The following RBFOX1 variants were observed in gnomAD, a reference collection of about 807,000 sequenced individuals.
RBFOX1 encodes RNA binding fox-1 homolog 1.
In RBFOX1, 8 loss-of-function variants were observed where a neutral mutation model predicts 57.7. That is an observed-to-expected ratio of 0.14 (90% CI 0.08 to 0.25). The LOEUF (loss-of-function observed/expected upper bound fraction) is 0.25. RBFOX1 is among the 10% of genes least tolerant of loss of function. RBFOX1 has a pLI of 1.00. For missense variants in RBFOX1, 611 were observed against 548.5 expected, an observed-to-expected ratio of 1.11 and a Z score of -1.14; for synonymous variants, 326 against 222.4, an observed-to-expected ratio of 1.47 and a Z score of -4.15.
At chr16:6,203,600 C>T (rs2097231495) in intron 1 of RBFOX1, among the ~76,000 whole-genome samples, 1 of 152,026 alleles carries the variant, frequency 6.6e-6, no homozygotes, top group South Asian at 2.1e-4. Context: ...AGATACATAC[C>T]ATCATGGGAA....
intron 4 of RBFOX1, among the ~76,000 whole-genome samples, chr16:7,218,667 T>TGTGTGTGTGTGTGCGC (rs1555586815): frequency 5.0e-4 from 74 of 148,196 alleles, no homozygotes; most frequent in African/African-American, 1.7e-3. Context: ...TGTGTGTGTG[T>TGTGTGTGTGTGTGCGC]GTGTGTGTGT....
chr16:7,554,176 A>G lies in RBFOX1; in HGVS notation c.271-25601A>G, dbSNP rs371753790. The stretch of plus-strand genomic sequence containing the variant: ...AAAGCTTAGTTGGGCTGATGGGAAA[A>G]CTAACAGTTTCAATTTAATGTGTGT... On this transcript the variant is annotated intron_variant, in intron 5 of 15. Transcript: ENST00000550418. 9.5e-4 allele frequency among the ~76,000 whole-genome samples: 144 copies of G among 152,344 alleles called. 1 individual carries two copies. The highest frequency in any genetic ancestry group is 3.3e-3 in the African/African-American group (139 of 41,580).
chr16:5,625,491 C>G (rs2048322425), intron 3 of RBFOX1, among the ~76,000 whole-genome samples: 1 of 152,022 alleles, frequency 6.6e-6, no homozygotes, highest in Non-Finnish European at 1.5e-5. Context: ...CATAACCAGT[C>G]AAGTTTTGCG....
chr16:7,600,129 G>A (rs1467827749), intron 9 of RBFOX1, among the ~76,000 whole-genome samples: 4 of 152,038 alleles, frequency 2.6e-5, no homozygotes, highest in Non-Finnish European at 1.5e-5. Flanking sequence ...CCCATTCCAG[G>A]TAGCCATGCA....
At chr16:6,843,688 C>G (rs763701687) in intron 3 of RBFOX1, among the ~76,000 whole-genome samples, 1 of 152,104 alleles carries the variant, frequency 6.6e-6, no homozygotes, top group Admixed American at 6.6e-5. Flanking sequence ...GACTCCATCT[C>G]AAAATAAATA....
intron 3 of RBFOX1, among the ~76,000 whole-genome samples, chr16:5,659,657 A>T (rs935650160): frequency 6.6e-6 from 1 of 152,138 alleles, no homozygotes; most frequent in African/African-American, 2.4e-5. Context: ...GGGTTAGTGG[A>T]TAGGATTCAG....
At chr16:7,129,113 G>T (rs942581882) in intron 4 of RBFOX1, among the ~76,000 whole-genome samples, 5 of 151,992 alleles carry the variant, frequency 3.3e-5, no homozygotes, top group African/African-American at 4.8e-5. Context: ...GCCACGGCAC[G>T]CAGTCATAAA....
At chr16:6,093,127 C>T (rs1309624016) in intron 1 of RBFOX1, among the ~76,000 whole-genome samples, 3 of 152,024 alleles carry the variant, frequency 2.0e-5, no homozygotes, top group African/African-American at 4.8e-5. Context: ...GTTGGCTATC[C>T]CCAAAAAGAT....
intron 1 of RBFOX1, among the ~76,000 whole-genome samples, chr16:6,025,542 C>A (rs765916453): frequency 6.6e-6 from 1 of 152,214 alleles, no homozygotes; most frequent in Non-Finnish European, 1.5e-5. Flanking sequence ...CTCCCACCAC[C>A]ACATCCTTTT....
chr16:7,432,728 G>C (rs879910422), intron 4 of RBFOX1, among the ~76,000 whole-genome samples: 1 of 152,200 alleles, frequency 6.6e-6, no homozygotes, highest in Non-Finnish European at 1.5e-5. Context: ...TAGTTTGAGA[G>C]CCCTGTCCTA....
chr16:6,850,975 G>C (rs55969345), intron 3 of RBFOX1, among the ~76,000 whole-genome samples: 1 of 152,150 alleles, frequency 6.6e-6, no homozygotes, highest in Non-Finnish European at 1.5e-5. Flanking sequence ...TAAATAGCCC[G>C]TATGTTTTCA....
intron 3 of RBFOX1, among the ~76,000 whole-genome samples, chr16:5,641,780 C>T (rs772280187): frequency 7.9e-5 from 12 of 152,278 alleles, no homozygotes; most frequent in Admixed American, 7.8e-4. Flanking sequence ...GCCATGAAGA[C>T]CAGTGCATCT....
At chr16:6,559,449 C>T (rs747206753) in intron 2 of RBFOX1, among the ~76,000 whole-genome samples, 4 of 152,070 alleles carry the variant, frequency 2.6e-5, no homozygotes, top group Non-Finnish European at 4.4e-5. Flanking sequence ...ACCATCTTCT[C>T]TTTTAGAAAG....
At chr16:6,397,364 G>T (rs1467564807) in intron 2 of RBFOX1, among the ~76,000 whole-genome samples, 2 of 152,146 alleles carry the variant, frequency 1.3e-5, no homozygotes, top group South Asian at 2.1e-4. Flanking sequence ...ATCAGAAACA[G>T]TGGAAGCAAG....
intron 2 of RBFOX1, among the ~76,000 whole-genome samples, chr16:6,567,635 C>T (rs926725112): frequency 9.9e-5 from 15 of 152,196 alleles, no homozygotes; most frequent in East Asian, 9.7e-4. Context: ...TTCATTTCAG[C>T]GCCACATCCC....
intron 4 of RBFOX1, among the ~76,000 whole-genome samples, chr16:7,510,645 T>C (rs767935147): frequency 5.9e-4 from 90 of 152,234 alleles, no homozygotes; most frequent in Non-Finnish European, 1.1e-3. Context: ...TGATGCAGTT[T>C]AGCTCAATTC....
intron 4 of RBFOX1, among the ~76,000 whole-genome samples, chr16:5,972,705 C>T (rs9635555): frequency 0.057 from 8,619 of 152,172 alleles, 539 homozygotes; most frequent in East Asian, 0.35. Flanking sequence ...GACCTGCCTG[C>T]CTCATGGTGG....
At chr16:5,708,640 C>G (rs1319875759) in intron 3 of RBFOX1, among the ~76,000 whole-genome samples, 1 of 152,136 alleles carries the variant, frequency 6.6e-6, no homozygotes, top group Non-Finnish European at 1.5e-5. Context: ...GATTCTCCCC[C>G]TAATATACAA....
At chr16:6,523,911 A>C (rs76443890) in intron 2 of RBFOX1, among the ~76,000 whole-genome samples, 1 of 152,192 alleles carries the variant, frequency 6.6e-6, no homozygotes, top group Admixed American at 6.5e-5. Context: ...TATGGGATGC[A>C]TGAGACATTT....
Sources: allele counts gnomAD v4.1 joint callset (sites outside exome capture counted in the v4.1 genomes callset), GRCh38; gene constraint gnomAD v4.1.1; transcripts MANE v1.5; gene names NCBI Gene and HGNC (gene_info 2026-07-23, HGNC 2026-07-21).